GNAQ: variants seen among roughly 807,000 people sequenced by gnomAD.
GNAQ encodes the protein G protein subunit alpha q.
In GNAQ, 8 loss-of-function variants were observed where a neutral mutation model predicts 43.9. The ratio of observed to expected loss-of-function variants is 0.18; its 90% CI spans 0.11 to 0.33. The LOEUF (loss-of-function observed/expected upper bound fraction) is 0.33, where lower values mean the gene tolerates loss of function less well. Ranked by LOEUF, GNAQ falls within the 10% of genes least tolerant of loss-of-function variation. GNAQ has a pLI of 1.00. For synonymous variants in GNAQ, 155 were observed against 170.7 expected, an observed-to-expected ratio of 0.91 and a Z score of 0.71; for missense variants, 158 against 450.8, an observed-to-expected ratio of 0.35 and a Z score of 5.88.
intron 5 of GNAQ, among the ~76,000 whole-genome samples, chr9:77,746,913 C>T (rs1281377068): frequency 6.6e-6 from 1 of 152,078 alleles, no homozygotes; most frequent in Non-Finnish European, 1.5e-5. Context: ...GTGATGGTGA[C>T]TGAGAAAGTG....
intron 5 of GNAQ, among the ~76,000 whole-genome samples, chr9:77,786,079 A>G (rs892796844): frequency 1.3e-5 from 2 of 152,164 alleles, no homozygotes; most frequent in Non-Finnish European, 2.9e-5. Context: ...GAAGGAGCAC[A>G]ATTAGAAGAG....
chr9:77,760,897 C>G (rs1484850478), intron 5 of GNAQ, among the ~76,000 whole-genome samples: 1 of 148,786 alleles, frequency 6.7e-6, no homozygotes, highest in Non-Finnish European at 1.5e-5. Context: ...TGCCCGGTCG[C>G]GACCCCGTCT....
At chr9:77,783,631 A>G (rs143111862) in intron 5 of GNAQ, among the ~76,000 whole-genome samples, 1 of 152,128 alleles carries the variant, frequency 6.6e-6, no homozygotes, top group Non-Finnish European at 1.5e-5. Flanking sequence ...CCCACTGCTC[A>G]GTTATTACTA....
chr9:77,966,745 G>A (rs1218860146), intron 1 of GNAQ, among the ~76,000 whole-genome samples: 1 of 152,156 alleles, frequency 6.6e-6, no homozygotes, highest in Non-Finnish European at 1.5e-5. Context: ...TTCACTCTGT[G>A]ACTACCAAAT....
intron 2 of GNAQ, among the ~76,000 whole-genome samples, chr9:77,888,463 G>A (rs1247697269): frequency 6.6e-6 from 1 of 152,186 alleles, no homozygotes; most frequent in Non-Finnish European, 1.5e-5. Flanking sequence ...CAACTTTCCT[G>A]AGCAGAGTGG....
At chr9:77,915,175 T>C (rs768431747) in intron 2 of GNAQ, among the ~76,000 whole-genome samples, 7 of 152,248 alleles carry the variant, frequency 4.6e-5, no homozygotes, top group Non-Finnish European at 7.3e-5. Context: ...GAAATTCACA[T>C]GTTAAAAATA....
intron 3 of GNAQ, among the ~76,000 whole-genome samples, chr9:77,808,763 G>A (rs746683430): frequency 3.3e-5 from 5 of 152,024 alleles, no homozygotes; most frequent in Non-Finnish European, 7.3e-5. Flanking sequence ...CAATGCCCCC[G>A]AGGTAGTGAG....
At chr9:77,808,817 C>T (rs1826868670) in intron 3 of GNAQ, among the ~76,000 whole-genome samples, 1 of 151,850 alleles carries the variant, frequency 6.6e-6, no homozygotes, top group Non-Finnish European at 1.5e-5. Context: ...ATATTTTCAC[C>T]ATACAACGGT....
intron 1 of GNAQ, among the ~76,000 whole-genome samples, chr9:77,977,959 A>T (rs1474257531): frequency 5.3e-5 from 8 of 152,142 alleles, no homozygotes; most frequent in Non-Finnish European, 4.4e-5. Context: ...CCCTAGTAAT[A>T]ACAGTAATGT....
chr9:77,961,038 T>C (rs1482069420), intron 1 of GNAQ, among the ~76,000 whole-genome samples: 1 of 152,230 alleles, frequency 6.6e-6, no homozygotes, highest in African/African-American at 2.4e-5. Flanking sequence ...TCTAGCCATT[T>C]ACTCTTTCCT....
rs964373211 is a variant in GNAQ, at chr9:77,909,910, A to G, written c.321+12251T>C. 2.6e-5 allele frequency among the ~76,000 whole-genome samples: 4 copies of G among 152,162 alleles called. No individual in the cohort carries two copies. In the East Asian group the frequency reaches 7.7e-4, roughly 29 times the overall value. The stretch of plus-strand genomic sequence containing the variant: ...AAGTATCATAATATAACATGAAATG[A>G]CACAAAAAGTCATTTTTTAAAGTGC... On this transcript the variant is annotated intron_variant, in intron 2 of 6. Coordinates refer to ENST00000286548, the MANE Select transcript of GNAQ (RefSeq NM_002072.5).
rs186483447 is a variant in GNAQ, at chr9:77,882,694, A to G, written c.321+39467T>C. Among the ~76,000 whole-genome samples the G allele has an allele frequency of 1.6e-3, 244 of 152,342 alleles. 5 individuals carry two copies. The highest frequency in any genetic ancestry group is 0.016 in the Admixed American group (241 of 15,302). ...CCAGTTTTTGGTGAGATAGAAAAAA[A>G]GCATAGGAAAAAAACTAGAAAGATA... On this transcript the variant is annotated intron_variant, in intron 2 of 6. Transcript: ENST00000286548.
At chr9:77,860,713 G>A (rs1470014304) in intron 2 of GNAQ, among the ~76,000 whole-genome samples, 6 of 152,116 alleles carry the variant, frequency 3.9e-5, no homozygotes, top group African/African-American at 7.2e-5. Flanking sequence ...CGGGATGTTC[G>A]GGACCCCTTC....
At chr9:77,853,658 T>C (rs947384294) in intron 2 of GNAQ, among the ~76,000 whole-genome samples, 6 of 151,250 alleles carry the variant, frequency 4.0e-5, no homozygotes, top group Non-Finnish European at 7.4e-5. Flanking sequence ...ACCTACAATA[T>C]GCACAACCAC....
intron 1 of GNAQ, among the ~76,000 whole-genome samples, chr9:77,999,628 C>T (rs753014427): frequency 6.6e-6 from 1 of 152,204 alleles, no homozygotes. Context: ...AAGATTCAAG[C>T]AAGCCTCTGG....
At chr9:77,997,021 A>G (rs964921830) in intron 1 of GNAQ, among the ~76,000 whole-genome samples, 11 of 152,226 alleles carry the variant, frequency 7.2e-5, no homozygotes, top group Non-Finnish European at 1.2e-4. Context: ...ATTCTTTGTA[A>G]CAATCACTGT....
chr9:77,716,779 A>T lies in GNAQ; in HGVS notation c.*4544T>A, dbSNP rs1825232904. On this transcript the variant is annotated 3_prime_UTR_variant, in exon 7 of 7. Coordinates refer to ENST00000286548, the MANE Select transcript of GNAQ (RefSeq NM_002072.5). ...ATGTCATTTGCTATATTGGGTTGGA[A>T]TCATACGGGGAAATGGAGGACACAG... is the stretch of plus-strand genomic sequence containing the variant. 1 of 232,800 alleles carries T rather than the reference A, an allele frequency of 4.3e-6. No individual in the cohort carries two copies. Among genetic ancestry groups the T allele is most frequent in the Non-Finnish European group, 8.5e-6 (1 of 117,876 alleles). 14.4% of individuals were successfully genotyped at this position (232,800 alleles called of 1,614,324 possible). A position where few individuals can be genotyped will look rare whatever the true frequency, so the allele number is the denominator to read the frequency against.
At chr9:77,930,840 C>G (rs1437020674) in intron 1 of GNAQ, among the ~76,000 whole-genome samples, 2 of 152,052 alleles carry the variant, frequency 1.3e-5, no homozygotes, top group Non-Finnish European at 2.9e-5. Flanking sequence ...CCCAGGACCA[C>G]AGCCCAGCAC....
chr9:77,736,370 A>G (rs183121540), intron 5 of GNAQ, among the ~76,000 whole-genome samples: 40 of 152,334 alleles, frequency 2.6e-4, no homozygotes, highest in South Asian at 1.0e-3. Flanking sequence ...CACTTTTGCT[A>G]TCCAAATCAC....
Sources: allele counts gnomAD v4.1 joint callset (sites outside exome capture counted in the v4.1 genomes callset), GRCh38; gene constraint gnomAD v4.1.1; transcripts MANE v1.5; gene names NCBI Gene and HGNC (gene_info 2026-07-23, HGNC 2026-07-21).